Variants in CACNA2D3 observed in about 807,000 individuals in gnomAD.
The protein encoded by CACNA2D3 is voltage-dependent calcium channel subunit alpha-2/delta-3.
A neutral mutation model predicts 160.6 loss-of-function variants in CACNA2D3; 60 were observed. The observed-to-expected ratio is 0.37, with a 90% CI of 0.30 to 0.46. CACNA2D3 has a LOEUF of 0.46. Ranked by LOEUF, CACNA2D3 falls within the 20% of genes least tolerant of loss-of-function variation. CACNA2D3 has a pLI of 1.00. For missense variants in CACNA2D3, 1,205 were observed against 1,365.0 expected (o/e 0.88, Z 1.85); for synonymous variants, 558 against 492.9 (o/e 1.13, Z -1.75).
intron 11 of CACNA2D3, among the ~76,000 whole-genome samples, chr3:54,710,339 C>T (rs999956762): frequency 6.6e-6 from 1 of 152,166 alleles, no homozygotes; most frequent in Non-Finnish European, 1.5e-5. Context: ...ATCTAAATGA[C>T]TTAACAAAAA....
At chr3:54,253,807 G>A (rs983184900) in intron 2 of CACNA2D3, among the ~76,000 whole-genome samples, 3 of 151,848 alleles carry the variant, frequency 2.0e-5, no homozygotes, top group African/African-American at 7.3e-5. Flanking sequence ...AGAGTCTATT[G>A]CCCAGGCTGG....
chr3:54,943,144 G>C (rs1339094854), intron 27 of CACNA2D3, among the ~76,000 whole-genome samples: 6 of 151,816 alleles, frequency 4.0e-5, no homozygotes, highest in African/African-American at 1.5e-4. Context: ...CGAGGCTACA[G>C]TGGACTATGA....
At chr3:55,063,834 G>A (rs1575459193) in intron 35 of CACNA2D3, among the ~76,000 whole-genome samples, 1 of 152,202 alleles carries the variant, frequency 6.6e-6, no homozygotes, top group African/African-American at 2.4e-5. Context: ...AGACCAGTTG[G>A]AAGATAAGCC....
At chr3:54,805,920 T>C (rs1057461131) in intron 13 of CACNA2D3, among the ~76,000 whole-genome samples, 2 of 152,084 alleles carry the variant, frequency 1.3e-5, no homozygotes, top group Admixed American at 6.5e-5. Context: ...ATAAATGTAA[T>C]CCAGCATATA....
intron 9 of CACNA2D3, among the ~76,000 whole-genome samples, chr3:54,617,117 C>G (rs1338883689): frequency 6.6e-6 from 1 of 152,180 alleles, no homozygotes; most frequent in Non-Finnish European, 1.5e-5. Flanking sequence ...TGTCTGCCCC[C>G]ACATGCTGCT....
chr3:54,677,838 A>G (rs1340126213), intron 11 of CACNA2D3, among the ~76,000 whole-genome samples: 1 of 152,070 alleles, frequency 6.6e-6, no homozygotes, highest in African/African-American at 2.4e-5. Context: ...GAGGAGAGAG[A>G]GTAATTTTAG....
At chr3:54,496,350 G>A (rs1012992000) in intron 4 of CACNA2D3, among the ~76,000 whole-genome samples, 1 of 152,154 alleles carries the variant, frequency 6.6e-6, no homozygotes, top group African/African-American at 2.4e-5. Flanking sequence ...CACTTCTAGT[G>A]GGTATAAAAT....
At chr3:54,778,317 C>G (rs1702461611) in intron 13 of CACNA2D3, among the ~76,000 whole-genome samples, 2 of 152,158 alleles carry the variant, frequency 1.3e-5, no homozygotes, top group Admixed American at 1.3e-4. Flanking sequence ...TTTCCCCATT[C>G]CGTGCCGCCA....
chr3:54,154,733 G>T lies in CACNA2D3; in HGVS notation c.204+31139G>T, dbSNP rs183106120. 2.1e-3 allele frequency among the ~76,000 whole-genome samples: 320 copies of T among 152,170 alleles called. 3 individuals are homozygous for T. The highest frequency in any genetic ancestry group is 6.8e-3 in the Middle Eastern group (2 of 294). On this transcript the variant is annotated intron_variant, in intron 2 of 37. Coordinates refer to ENST00000474759, the MANE Select transcript of CACNA2D3 (RefSeq NM_018398.3). ...GTCCAACCAGATTGTGAGATAACATGGTGTGGTGGTGTACAGCCACATTTA... is the reference window on the plus strand; with the variant it reads ...GTCCAACCAGATTGTGAGATAACATTGTGTGGTGGTGTACAGCCACATTTA...
At chr3:54,407,952 A>G (rs1242235768) in intron 4 of CACNA2D3, among the ~76,000 whole-genome samples, 1 of 152,146 alleles carries the variant, frequency 6.6e-6, no homozygotes, top group South Asian at 2.1e-4. Flanking sequence ...TCCACCTCAC[A>G]TACTATGATT....
intron 11 of CACNA2D3, among the ~76,000 whole-genome samples, chr3:54,700,423 T>A (rs546211855): frequency 6.6e-6 from 1 of 152,216 alleles, no homozygotes; most frequent in Non-Finnish European, 1.5e-5. Context: ...TAAACCAAAT[T>A]AAAAATTCAA....
intron 4 of CACNA2D3, among the ~76,000 whole-genome samples, chr3:54,433,201 A>G (rs73089428): frequency 0.14 from 21,550 of 152,142 alleles, 1,779 homozygotes; most frequent in Admixed American, 0.24. Context: ...TATTGCAGCT[A>G]TGACTGGAGG....
intron 13 of CACNA2D3, among the ~76,000 whole-genome samples, chr3:54,810,119 G>A (rs551521753): frequency 7.9e-5 from 12 of 152,326 alleles, no homozygotes; most frequent in Admixed American, 2.0e-4. Context: ...GAATTGACGT[G>A]AAGTTGTCGG....
At chr3:54,167,257 C>G (rs897139808) in intron 2 of CACNA2D3, among the ~76,000 whole-genome samples, 1 of 152,098 alleles carries the variant, frequency 6.6e-6, no homozygotes, top group South Asian at 2.1e-4. Context: ...TATAGTTGAT[C>G]CACAGTAAAT....
intron 3 of CACNA2D3, among the ~76,000 whole-genome samples, chr3:54,373,369 ACT>A (rs1400379401): frequency 5.3e-5 from 8 of 152,264 alleles, no homozygotes; most frequent in African/African-American, 1.9e-4. Flanking sequence ...AAGTCGAGTG[ACT>A]CAGGTCATTT....
chr3:54,658,695 C>A (rs1236942208), intron 11 of CACNA2D3, among the ~76,000 whole-genome samples: 2 of 152,156 alleles, frequency 1.3e-5, no homozygotes, highest in Non-Finnish European at 2.9e-5. Flanking sequence ...GCAACGGATA[C>A]AATCAGCAGA....
chr3:54,746,239 G>T (rs1701751462), intron 11 of CACNA2D3, among the ~76,000 whole-genome samples: 1 of 152,200 alleles, frequency 6.6e-6, no homozygotes, highest in African/African-American at 2.4e-5. Flanking sequence ...TCTGCTTAAA[G>T]ATTAAGGATT....
At chr3:54,329,010 T>A (rs2107515697) in intron 3 of CACNA2D3, among the ~76,000 whole-genome samples, 1 of 152,268 alleles carries the variant, frequency 6.6e-6, no homozygotes, top group Non-Finnish European at 1.5e-5. Context: ...GAATTTGAGC[T>A]TGGTGCAGCC....
intron 11 of CACNA2D3, among the ~76,000 whole-genome samples, chr3:54,652,268 G>T (rs1699782940): frequency 6.6e-6 from 1 of 152,208 alleles, no homozygotes; most frequent in Non-Finnish European, 1.5e-5. Flanking sequence ...CTGTCTTAGG[G>T]TAATGCATTC....
Sources: allele counts gnomAD v4.1 joint callset (sites outside exome capture counted in the v4.1 genomes callset), GRCh38; gene constraint gnomAD v4.1.1; transcripts MANE v1.5; gene names NCBI Gene and HGNC (gene_info 2026-07-23, HGNC 2026-07-21).